Variants in TUSC3 observed in about 807,000 individuals in gnomAD.
The protein encoded by TUSC3 is tumor suppressor candidate 3, also known as dolichyl-diphosphooligosaccharide--protein glycosyltransferase subunit TUSC3.
In TUSC3, 45 loss-of-function variants were observed where a neutral mutation model predicts 44.8. The observed-to-expected ratio is 1.00, with a 90% CI of 0.79 to 1.29. TUSC3 has a LOEUF of 1.29. Ranked by LOEUF, TUSC3 falls within the 50% of genes most tolerant of loss-of-function variation. The pLI, the probability that TUSC3 is intolerant of heterozygous loss-of-function variation, is 0.00. For synonymous variants in TUSC3, 212 were observed against 152.9 expected, an observed-to-expected ratio of 1.39 and a Z score of -2.85; for missense variants, 519 against 437.9, an observed-to-expected ratio of 1.19 and a Z score of -1.65.
intron 2 of TUSC3, among the ~76,000 whole-genome samples, chr8:15,503,351 C>T (rs925375629): frequency 6.6e-6 from 1 of 152,102 alleles, no homozygotes; most frequent in Non-Finnish European, 1.5e-5. Context: ...AAAATAAATT[C>T]TTGTTTGAGC....
intron 1 of TUSC3, among the ~76,000 whole-genome samples, chr8:15,445,432 A>G (rs1054015510): frequency 2.0e-5 from 3 of 151,990 alleles, no homozygotes; most frequent in African/African-American, 7.2e-5. Context: ...GTGAACAAGG[A>G]TCTCTGGTTT....
the TUSC3 span, among the ~76,000 whole-genome samples, chr8:15,784,694 A>G: frequency 3.3e-5 from 5 of 152,166 alleles, no homozygotes; most frequent in Non-Finnish European, 7.4e-5. Flanking sequence ...TTTCACTTAC[A>G]TGTGAAATAC....
chr8:15,756,322 T>G (rs1175317729), intron 9 of TUSC3, among the ~76,000 whole-genome samples: 1 of 152,194 alleles, frequency 6.6e-6, no homozygotes, highest in East Asian at 1.9e-4. Context: ...GTAAACTTGG[T>G]ATGATAAAAC....
chr8:15,441,342 G>A (rs1800018393), intron 1 of TUSC3, among the ~76,000 whole-genome samples: 2 of 152,206 alleles, frequency 1.3e-5, no homozygotes, highest in Admixed American at 6.5e-5. Context: ...AGGAGGTGGA[G>A]TTTTCAGTGA....
chr8:15,758,421 G>A, intron 10 of TUSC3: 2 of 315,224 alleles, frequency 6.3e-6, no homozygotes, highest in Non-Finnish European at 9.2e-6. Context: ...TTATATGTAT[G>A]TAAAATTGAC....
At chr8:15,417,912 G>A (rs1192333885) in intron 1 of TUSC3, among the ~76,000 whole-genome samples, 1 of 152,154 alleles carries the variant, frequency 6.6e-6, no homozygotes, top group East Asian at 1.9e-4. Context: ...ACAGGAGCCT[G>A]CCGATATTAA....
At chr8:15,647,848 A>G (rs1806701268) in intron 2 of TUSC3, among the ~76,000 whole-genome samples, 1 of 152,150 alleles carries the variant, frequency 6.6e-6, no homozygotes, top group Non-Finnish European at 1.5e-5. Context: ...GTCGGTATCT[A>G]GTGTTGCTAA....
At chr8:15,699,824 T>TA (rs1031429812) in intron 6 of TUSC3, among the ~76,000 whole-genome samples, 1 of 152,172 alleles carries the variant, frequency 6.6e-6, no homozygotes, top group African/African-American at 2.4e-5. Context: ...ATAGAACTTT[T>TA]AAAATGGATT....
At chr8:15,445,745 C>A (rs1009912534) in intron 1 of TUSC3, among the ~76,000 whole-genome samples, 27 of 152,350 alleles carry the variant, frequency 1.8e-4, no homozygotes, top group African/African-American at 6.0e-4. Flanking sequence ...ACAATCTGAT[C>A]TCTGTTTCTT....
chr8:15,730,801 C>G, intron 7 of TUSC3, 72 bp downstream of exon 7: 3 of 1,467,732 alleles, frequency 2.0e-6, no homozygotes, highest in Non-Finnish European at 9.5e-7. Flanking sequence ...GACATTTTTC[C>G]TGGCAGTAAA....
chr8:15,721,005 A>G (rs1230630262), intron 6 of TUSC3, among the ~76,000 whole-genome samples: 1 of 152,112 alleles, frequency 6.6e-6, no homozygotes, highest in African/African-American at 2.4e-5. Flanking sequence ...ATTCGTATTC[A>G]TAGGTACATC....
chr8:15,630,101 C>G (rs997702384), intron 2 of TUSC3, among the ~76,000 whole-genome samples: 1 of 152,124 alleles, frequency 6.6e-6, no homozygotes, highest in African/African-American at 2.4e-5. Context: ...AGTTACTCAT[C>G]TCTTCCAGGG....
At chr8:15,448,131 A>ATATATATATATATATATATT (rs1563253394) in intron 1 of TUSC3, among the ~76,000 whole-genome samples, 1 of 144,074 alleles carries the variant, frequency 6.9e-6, no homozygotes, top group African/African-American at 2.6e-5. Context: ...TTATTTATTT[A>ATATATATATATATATATATT]TTTTTTAGAT....
At chr8:15,454,444 G>A (rs965490117) in intron 1 of TUSC3, among the ~76,000 whole-genome samples, 1 of 152,166 alleles carries the variant, frequency 6.6e-6, no homozygotes, top group African/African-American at 2.4e-5. Flanking sequence ...ACTGTTAACA[G>A]ACGTAGACCA....
chr8:15,698,793 T>A (rs1809275747), intron 6 of TUSC3, among the ~76,000 whole-genome samples: 1 of 152,180 alleles, frequency 6.6e-6, no homozygotes, highest in Non-Finnish European at 1.5e-5. Flanking sequence ...TTCTCCAGTT[T>A]GCTTATCAAT....
intron 6 of TUSC3, among the ~76,000 whole-genome samples, chr8:15,721,734 A>C (rs1469717047): frequency 6.6e-6 from 1 of 152,106 alleles, no homozygotes; most frequent in East Asian, 1.9e-4. Context: ...ATATGTTATC[A>C]ATAAAACACA....
chr8:15,623,527 C>A (rs551339007), intron 2 of TUSC3, among the ~76,000 whole-genome samples: 1 of 151,936 alleles, frequency 6.6e-6, no homozygotes, highest in Admixed American at 6.6e-5. Context: ...GTAGGTCACT[C>A]AGTTATAGCT....
chr8:15,532,070 T>G (rs2129130810), intron 2 of TUSC3, among the ~76,000 whole-genome samples: 1 of 152,306 alleles, frequency 6.6e-6, no homozygotes, highest in East Asian at 1.9e-4. Context: ...TTTTTGTGTG[T>G]ATATATGTCA....
chr8:15,504,578 G>GATATATATAT (rs1158864721), intron 2 of TUSC3, among the ~76,000 whole-genome samples: 5 of 33,462 alleles, frequency 1.5e-4, no homozygotes, highest in East Asian at 1.0e-3. Flanking sequence ...CAACTTTCAG[G>GATATATATAT]ATATATATAT....
Sources: gnomAD v4.1 joint callset for allele counts (sites outside exome capture counted in the v4.1 genomes callset) on GRCh38, gnomAD v4.1.1 for gene constraint, MANE v1.5 for transcripts, NCBI Gene and HGNC (gene_info 2026-07-23, HGNC 2026-07-21) for gene names.